The following CNTNAP2 variants were observed in gnomAD, a reference collection of about 807,000 sequenced individuals.
CNTNAP2 encodes the protein contactin associated protein 2.
Under a neutral mutation model 155.2 loss-of-function variants are expected in CNTNAP2, and 98 were observed. The ratio of observed to expected loss-of-function variants is 0.63; its 90% CI spans 0.54 to 0.75. CNTNAP2 has a LOEUF of 0.75. Among genes scored for constraint, CNTNAP2 ranks in the 30% least tolerant of loss-of-function variants. The pLI is 0.00. For missense variants in CNTNAP2, 1,727 were observed against 1,688.1 expected, an observed-to-expected ratio of 1.02 and a Z score of -0.40; for synonymous variants, 651 against 631.2, an observed-to-expected ratio of 1.03 and a Z score of -0.47.
At chr7:147,747,565 C>A (rs1369850876) in intron 13 of CNTNAP2, among the ~76,000 whole-genome samples, 2 of 152,154 alleles carry the variant, frequency 1.3e-5, no homozygotes, top group African/African-American at 4.8e-5. Context: ...CATGGGAGTA[C>A]AGATATCTCT....
intron 1 of CNTNAP2, among the ~76,000 whole-genome samples, chr7:146,487,757 A>C (rs1048732599): frequency 2.6e-5 from 4 of 152,236 alleles, no homozygotes; most frequent in African/African-American, 9.6e-5. Flanking sequence ...AATGGTGTTC[A>C]GATCATGGGC....
chr7:147,938,024 G>A lies in CNTNAP2; in HGVS notation c.2255+34303G>A, dbSNP rs531054731. Among the ~76,000 whole-genome samples, 21 of 152,156 alleles carry A rather than the reference G, an allele frequency of 1.4e-4. No homozygotes were observed. In the East Asian group the frequency reaches 2.7e-3, roughly 20 times the overall value. On this transcript the variant is annotated intron_variant, in intron 14 of 23. Transcript: ENST00000361727. Reference sequence around the variant, plus strand: ...GATATTGTTCCTATTTCTCAGGTGGGGGAAATGACTTTCAGCAGGAGTAAC... The same window carrying A: ...GATATTGTTCCTATTTCTCAGGTGGAGGAAATGACTTTCAGCAGGAGTAAC...
In CNTNAP2 at chr7:147,145,236, C is replaced by A. The variant is rs1260901150; in HGVS notation, c.1348+12727C>A. On this transcript the variant is annotated intron_variant, in intron 8 of 23. Coordinates refer to ENST00000361727, the MANE Select transcript of CNTNAP2 (RefSeq NM_014141.6). ...CAGGCAAGTAAGGAGAAGAAATATT[C>A]AGTGAAGAATCCTCAAAATCGGTGG... is the stretch of plus-strand genomic sequence containing the variant. Among the ~76,000 whole-genome samples, 4 of 152,184 alleles carry A rather than the reference C, an allele frequency of 2.6e-5. No homozygotes were observed. The East Asian group carries it at 5.8e-4, about 22-fold the overall frequency.
At chr7:146,286,413 C>T (rs1342851524) in intron 1 of CNTNAP2, among the ~76,000 whole-genome samples, 1 of 152,072 alleles carries the variant, frequency 6.6e-6, no homozygotes, top group African/African-American at 2.4e-5. Flanking sequence ...CATCAGGGTA[C>T]ATGCCACTTA....
intron 1 of CNTNAP2, among the ~76,000 whole-genome samples, chr7:146,351,128 A>G (rs573749431): frequency 6.6e-6 from 1 of 152,006 alleles, no homozygotes; most frequent in Non-Finnish European, 1.5e-5. Flanking sequence ...ATATATACAT[A>G]TGTAACAAAC....
intron 13 of CNTNAP2, among the ~76,000 whole-genome samples, chr7:147,867,317 G>A (rs567822947): frequency 2.5e-4 from 38 of 152,258 alleles, no homozygotes; most frequent in African/African-American, 8.7e-4. Context: ...TGAGAGATCC[G>A]CTGTTTGTCT....
chr7:147,008,095 C>T (rs1254581339), intron 3 of CNTNAP2, among the ~76,000 whole-genome samples: 3 of 152,094 alleles, frequency 2.0e-5, no homozygotes, highest in African/African-American at 7.2e-5. Flanking sequence ...TTTCAATAGA[C>T]CCAATTATTC....
intron 1 of CNTNAP2, among the ~76,000 whole-genome samples, chr7:146,178,418 C>T (rs1798502586): frequency 6.6e-6 from 1 of 152,122 alleles, no homozygotes; most frequent in Non-Finnish European, 1.5e-5. Flanking sequence ...AATTTTGATA[C>T]ATCAGATTTA....
chr7:147,483,537 C>A (rs186448652), intron 10 of CNTNAP2, among the ~76,000 whole-genome samples: 5 of 152,106 alleles, frequency 3.3e-5, no homozygotes, highest in African/African-American at 1.2e-4. Context: ...TAGATTCCAG[C>A]CTGGTTTTCC....
intron 9 of CNTNAP2, among the ~76,000 whole-genome samples, chr7:147,322,574 A>G (rs1284958406): frequency 1.3e-5 from 2 of 150,318 alleles, no homozygotes; most frequent in African/African-American, 2.5e-5. Context: ...TGGTATCAGA[A>G]TGATGCTGGC....
chr7:146,873,859 G>A (rs1417786401), intron 3 of CNTNAP2, among the ~76,000 whole-genome samples: 2 of 152,078 alleles, frequency 1.3e-5, no homozygotes. Flanking sequence ...CTATTATGTG[G>A]AGGTGGAGGA....
intron 4 of CNTNAP2, among the ~76,000 whole-genome samples, chr7:147,051,596 A>C (rs1799474599): frequency 6.6e-6 from 1 of 152,154 alleles, no homozygotes; most frequent in African/African-American, 2.4e-5. Context: ...ACAAGAACTA[A>C]CATTTTCAAA....
At chr7:148,012,573 A>G (rs1304151677) in intron 15 of CNTNAP2, among the ~76,000 whole-genome samples, 3 of 151,610 alleles carry the variant, frequency 2.0e-5, no homozygotes, top group East Asian at 1.9e-4. Context: ...TTTTACCACA[A>G]TAAAAAAATT....
intron 1 of CNTNAP2, among the ~76,000 whole-genome samples, chr7:146,481,900 T>TA (rs1389084933): frequency 6.6e-6 from 1 of 152,004 alleles, no homozygotes; most frequent in Non-Finnish European, 1.5e-5. Flanking sequence ...CACCAAGAAT[T>TA]TATTGTAAGT....
At chr7:146,546,497 G>A (rs1798031598) in intron 1 of CNTNAP2, among the ~76,000 whole-genome samples, 1 of 151,892 alleles carries the variant, frequency 6.6e-6, no homozygotes, top group South Asian at 2.1e-4. Flanking sequence ...TGTAGGAGGA[G>A]TGAGGAAATC....
chr7:147,814,875 G>A (rs371538204), intron 13 of CNTNAP2, among the ~76,000 whole-genome samples: 23 of 152,142 alleles, frequency 1.5e-4, no homozygotes, highest in African/African-American at 4.8e-4. Context: ...GGTTCCTGGG[G>A]TAACAGCAAA....
At chr7:146,477,516 A>G (rs1018838098) in intron 1 of CNTNAP2, among the ~76,000 whole-genome samples, 1 of 152,056 alleles carries the variant, frequency 6.6e-6, no homozygotes, top group African/African-American at 2.4e-5. Flanking sequence ...TACATAATAC[A>G]TGGAGTTGTA....
At chr7:148,228,587 G>A (rs994141813) in intron 19 of CNTNAP2, among the ~76,000 whole-genome samples, 1 of 152,102 alleles carries the variant, frequency 6.6e-6, no homozygotes, top group South Asian at 2.1e-4. Context: ...ACTTTGGGAG[G>A]CTGAGGCTGG....
chr7:147,054,997 G>A (rs1403503334), intron 4 of CNTNAP2, among the ~76,000 whole-genome samples: 1 of 152,078 alleles, frequency 6.6e-6, no homozygotes. Context: ...GGCTGGACAG[G>A]AGGAGTTAAA....
Sources: gnomAD v4.1 joint callset for allele counts (sites outside exome capture counted in the v4.1 genomes callset) on GRCh38, gnomAD v4.1.1 for gene constraint, MANE v1.5 for transcripts, NCBI Gene and HGNC (gene_info 2026-07-23, HGNC 2026-07-21) for gene names.